The following GOLGA3 variants were observed in gnomAD, a reference collection of about 807,000 sequenced individuals.
The protein encoded by GOLGA3 is golgin subfamily A member 3.
GOLGA3 carries 75 observed loss-of-function variants against 169.4 expected under a neutral mutation model. That is an observed-to-expected ratio of 0.44 (90% CI 0.37 to 0.54). The LOEUF is 0.54. Ranked by LOEUF, GOLGA3 falls within the 20% of genes least tolerant of loss-of-function variation. The pLI is 0.00. For synonymous variants in GOLGA3, 824 were observed against 822.4 expected, an observed-to-expected ratio of 1.00 and a Z score of -0.03; for missense variants, 1,899 against 1,930.0, an observed-to-expected ratio of 0.98 and a Z score of 0.30.
rs911366190 is a variant in GOLGA3 at position 132,791,005 on chromosome 12, C to T, written c.2547+211G>A. ...GGCAGAGCTTGCAGTGAGCCAAGAT[C>T]GCGTCACTGCACTCCAGCCTGGCTG... On this transcript the variant is annotated intron_variant, in intron 12 of 23. Coordinates refer to ENST00000450791, the MANE Select transcript of GOLGA3 (RefSeq NM_001389683.1). Among the ~76,000 whole-genome samples, 4 of 123,806 alleles carry T rather than the reference C, an allele frequency of 3.2e-5. No individual in the cohort carries two copies. The Admixed American group carries it at 3.3e-4, about 10-fold the overall frequency. The allele number at this position is 123,806 out of a possible 152,430, so 81.2% of individuals were successfully genotyped here.
In GOLGA3 at chr12:132,795,972, C is replaced by T. The variant is rs1252366655; in HGVS notation, c.2349G>A (p.Gln783=). ...GCTCCTCCTTGCCACTCTTGGCCGC[C>T]TGCAAAGCCGCCTCCAAGATGATCT... ...NEKIILEAAL[Q]AAKSGKEELD... Residue 783 remains glutamine (Q), a synonymous_variant, in exon 11 of 24, where the codon CAG becomes CAA. Transcript: ENST00000450791. 2 of 1,613,822 alleles carry T rather than the reference C, an allele frequency of 1.2e-6. No homozygotes were observed. Among genetic ancestry groups the T allele is most frequent in the Admixed American group, 1.7e-5 (1 of 60,012 alleles).
chr12:132,802,978 C>T (rs1433497063), intron 7 of GOLGA3, among the ~76,000 whole-genome samples: 1 of 152,160 alleles, frequency 6.6e-6, no homozygotes, highest in African/African-American at 2.4e-5. Context: ...TCGCTTGAAC[C>T]TGGGAGGCAG....
rs925129028 is a variant in GOLGA3 at position 132,804,038 on chromosome 12, G to A, written c.1597+678C>T. 3.9e-5 allele frequency among the ~76,000 whole-genome samples: 6 copies of A among 152,184 alleles called. No homozygotes were observed. Among genetic ancestry groups the A allele is most frequent in the African/African-American group, 9.7e-5 (4 of 41,440 alleles). ...GGAGTGTGAGCTCTGGGACTGGCCC[G>A]GGCGGGGACTGAGGGGGTGGAAGGC... On this transcript the variant is annotated intron_variant, in intron 7 of 23. Transcript: ENST00000450791. This position sits in a 1 kb window ranked among gnomAD's most constrained non-coding sequence, Gnocchi z 4.1.
intron 4 of GOLGA3, among the ~76,000 whole-genome samples, chr12:132,812,721 T>G (rs532944138): frequency 1.3e-5 from 2 of 152,296 alleles, no homozygotes; most frequent in Non-Finnish European, 2.9e-5. Flanking sequence ...CCTGAATGGG[T>G]AAAATGCCAT....
intron 1 of GOLGA3, chr12:132,827,872 A>T (rs2136859480): frequency 6.6e-6 from 1 of 151,364 alleles, no homozygotes; most frequent in East Asian, 1.9e-4. Context: ...GTTCCACACC[A>T]GCCTGGGCAA....
Position 132,822,213 on chromosome 12 carries a change from A to C in GOLGA3, c.-85T>G, listed in dbSNP as rs990491978. The C allele has an allele frequency of 6.0e-6, 9 of 1,507,366 alleles. No individual in the cohort carries two copies. Among genetic ancestry groups the C allele is most frequent in the Non-Finnish European group, 7.9e-6 (9 of 1,140,400 alleles). The allele number at this position is 1,507,366 out of a possible 1,614,324, so 93.4% of individuals were successfully genotyped here. A position where few individuals can be genotyped will look rare whatever the true frequency, so the allele number is the denominator to read the frequency against. ...TTGGCTTCTGCCATCAGCAACAGCC[A>C]AGAGCTCCTGGGAGGGGCCCTACTG... On this transcript the variant is annotated 5_prime_UTR_variant, in exon 2 of 24. Transcript: ENST00000450791.
chr12:132,819,694 G>A (rs1030734023), intron 2 of GOLGA3, among the ~76,000 whole-genome samples: 2 of 152,114 alleles, frequency 1.3e-5, no homozygotes, highest in Non-Finnish European at 2.9e-5. Context: ...TCATGCAAAG[G>A]ACCCGTGAGC....
chr12:132,772,817 G>T lies in GOLGA3; in HGVS notation c.*288C>A, dbSNP rs1437731383. The T allele has an allele frequency of 3.0e-5, 9 of 303,556 alleles. No homozygotes were observed. Among genetic ancestry groups the T allele is most frequent in the Non-Finnish European group, 5.6e-5 (9 of 161,492 alleles). 18.8% of individuals were successfully genotyped at this position (303,556 alleles called of 1,614,324 possible). On this transcript the variant is annotated 3_prime_UTR_variant, in exon 24 of 24. Coordinates refer to ENST00000450791, the MANE Select transcript of GOLGA3 (RefSeq NM_001389683.1). ...TCACCCGCAGAGAGCAGCATCGGTG[G>T]CCGCTCAGAAGCCACGACCTACAAG...
intron 12 of GOLGA3, among the ~76,000 whole-genome samples, chr12:132,791,001 A>G (rs1433836919): frequency 7.3e-6 from 1 of 137,248 alleles, no homozygotes; most frequent in Admixed American, 8.0e-5. Flanking sequence ...CAGTGAGCCA[A>G]GATCGCGTCA....
rs1363114895 is a variant in GOLGA3 at position 132,795,872 on chromosome 12, ATTC to A, written c.2446_2448del (p.Glu816del). On this transcript the variant is annotated inframe_deletion, in exon 11 of 24. Transcript: ENST00000450791. ...ATTACCTGGCCGGATTTGATAGCTA[ATTC>A]TTCTCTTAACTTCTCTAAAGTTTCC... 2 of 1,613,020 alleles carry A rather than the reference ATTC, an allele frequency of 1.2e-6. No individual in the cohort carries two copies. Among genetic ancestry groups the A allele is most frequent in the African/African-American group, 1.3e-5 (1 of 74,918 alleles).
In GOLGA3 at chr12:132,798,453, G is replaced by A; in HGVS notation, c.1825C>T (p.Leu609Phe). The A allele has an allele frequency of 3.1e-6, 5 of 1,611,800 alleles. No homozygotes were observed. ...TTCTCGAGTTTCAGGTGCTCCAGGAGACCTGCCTGGGTCATCTGTCCAACC... is the reference window on the plus strand; with the variant it reads ...TTCTCGAGTTTCAGGTGCTCCAGGAAACCTGCCTGGGTCATCTGTCCAACC... Reference protein sequence around the residue: ...IQVGQMTQAGLLEHLKLENVS... With the variant: ...IQVGQMTQAGFLEHLKLENVS... Residue 609 changes from leucine to phenylalanine, a missense_variant, in exon 9 of 24, where the codon CTC (leucine) becomes TTC (phenylalanine). Transcript: ENST00000450791.
chr12:132,820,992 C>A (rs1046369427), intron 2 of GOLGA3, among the ~76,000 whole-genome samples: 7 of 146,454 alleles, frequency 4.8e-5, no homozygotes, highest in Non-Finnish European at 8.9e-5. Flanking sequence ...CCCAGCTACT[C>A]GGGAGGCTGA....
chr12:132,796,686 A>G lies in GOLGA3; in HGVS notation c.1953T>C (p.Asp651=). 1.9e-6 allele frequency: 3 copies of G among 1,613,898 alleles called. No individual in the cohort carries two copies. The highest frequency in any genetic ancestry group is 2.5e-6 in the Non-Finnish European group (3 of 1,179,954). ...GAATCTGCATGAAGGCTGCTTCCTGATCCAACATGTCAGCCTGAGCCCAGG... is the reference window on the plus strand; with the variant it reads ...GAATCTGCATGAAGGCTGCTTCCTGGTCCAACATGTCAGCCTGAGCCCAGG... The part of the protein sequence containing the change: ...QLQGIEADML[D]QEAAFMQIQE... The change falls in exon 10 of 24, where the codon GAT becomes GAC. Residue 651 remains aspartate (D), a synonymous_variant. Coordinates refer to ENST00000450791, the MANE Select transcript of GOLGA3 (RefSeq NM_001389683.1).
rs2045315745 is a variant in GOLGA3 at position 132,777,562 on chromosome 12, A to G, written c.3722+104T>C. 4.6e-6 allele frequency: 6 copies of G among 1,294,942 alleles called. 1 individual carries two copies. In the East Asian group the frequency reaches 7.0e-5, roughly 15 times the overall value. The allele number at this position is 1,294,942 out of a possible 1,614,324, so 80.2% of individuals were successfully genotyped here. Reference sequence around the variant, plus strand: ...CTATGATTCACTCAAGTACTCGGCAATTTGCAAAATATAGATGACCCTCGC... The same window carrying G: ...CTATGATTCACTCAAGTACTCGGCAGTTTGCAAAATATAGATGACCCTCGC... On this transcript the variant is annotated intron_variant, in intron 19 of 23. Transcript: ENST00000450791. This position sits in a 1 kb window ranked among gnomAD's most constrained non-coding sequence, Gnocchi z 4.7.
At chr12:132,776,368 C>T (rs563665267) in intron 21 of GOLGA3, among the ~76,000 whole-genome samples, 3 of 142,674 alleles carry the variant, frequency 2.1e-5, no homozygotes, top group East Asian at 5.1e-4. Flanking sequence ...CTGCTGCTCC[C>T]GCCTGTACCC....
chr12:132,804,628 G>A lies in GOLGA3; in HGVS notation c.1597+88C>T. Reference sequence around the variant, plus strand: ...CAGCAAGGACCAGTCAGGGAAGGAGGAGGGCGTGGCGGGGGCCAGTCGAGG... The same window carrying A: ...CAGCAAGGACCAGTCAGGGAAGGAGAAGGGCGTGGCGGGGGCCAGTCGAGG... On this transcript the variant is annotated intron_variant, in intron 7 of 23. Transcript: ENST00000450791. This position sits in a 1 kb window ranked among gnomAD's most constrained non-coding sequence, Gnocchi z 4.1. The A allele has an allele frequency of 4.6e-6, 5 of 1,090,236 alleles. No homozygotes were observed. The South Asian group carries it at 7.0e-5, about 15-fold the overall frequency. The allele number at this position is 1,090,236 out of a possible 1,614,324, so 67.5% of individuals were successfully genotyped here.
rs1207506876 is a variant in GOLGA3, at chr12:132,780,992, G to C, written c.3466-78C>G. On this transcript the variant is annotated intron_variant, in intron 17 of 23. Transcript: ENST00000450791. Reference sequence around the variant, plus strand: ...ACAAGGCTGCTACAGCAGGCAACGTGACACACGCCACATCACAGGCACACG... The same window carrying C: ...ACAAGGCTGCTACAGCAGGCAACGTCACACACGCCACATCACAGGCACACG... The C allele has an allele frequency of 2.8e-5, 28 of 1,016,902 alleles. No individual in the cohort carries two copies. The Admixed American group carries it at 4.8e-4, about 17-fold the overall frequency. 63.0% of individuals were successfully genotyped at this position (1,016,902 alleles called of 1,614,324 possible). A position where few individuals can be genotyped will look rare whatever the true frequency, so the allele number is the denominator to read the frequency against.
chr12:132,773,132 C>T lies in GOLGA3; in HGVS notation c.4470G>A (p.Arg1490=), dbSNP rs2044988065. 15 of 1,586,488 alleles carry T rather than the reference C, an allele frequency of 9.5e-6. No homozygotes were observed. The highest frequency in any genetic ancestry group is 1.2e-5 in the Non-Finnish European group (14 of 1,165,778). The stretch of plus-strand genomic sequence containing the variant: ...ACTCTCCCGGCCCTTCTTTGGAAGC[C>T]CTGCTCTGACTGTGTCTCTGTGGGT... The part of the protein sequence containing the change: ...RGDPQRHSQS[R]ASKEGPGE Residue 1490 remains arginine (R), a synonymous_variant, in exon 24 of 24, where the codon AGG becomes AGA. Transcript: ENST00000450791.
rs753481702 is a variant in GOLGA3 at position 132,822,105 on chromosome 12, T to C, written c.24A>G (p.Gln8=). 1.2e-5 allele frequency: 19 copies of C among 1,608,010 alleles called. No homozygotes were observed. The highest frequency in any genetic ancestry group is 1.6e-5 in the Non-Finnish European group (19 of 1,177,874). ...GGGATCTGTCCTCCTGGAGGCCATC[T>C]TGCTCGGCCGACGCGCCGTCCATGG... MDGASAE[Q]DGLQEDRSHS... The change falls in exon 2 of 24, where the codon CAA becomes CAG. Residue 8 remains glutamine, a synonymous_variant. Coordinates refer to ENST00000450791, the MANE Select transcript of GOLGA3 (RefSeq NM_001389683.1).
Sources: allele counts gnomAD v4.1 joint callset (sites outside exome capture counted in the v4.1 genomes callset), GRCh38; gene constraint gnomAD v4.1.1; non-coding constraint Gnocchi (gnomAD v3.1); transcripts MANE v1.5; gene names NCBI Gene and HGNC (gene_info 2026-07-23, HGNC 2026-07-21).